Variants in PAWR observed in about 807,000 individuals in gnomAD.
The protein encoded by PAWR is PRKC apoptosis WT1 regulator protein.
Under a neutral mutation model 32.0 loss-of-function variants are expected in PAWR, and 23 were observed. The observed-to-expected ratio is 0.72, with a 90% CI of 0.52 to 1.02. The LOEUF is 1.02. PAWR is among the 50% of genes least tolerant of loss of function. The pLI is 0.00. For synonymous variants in PAWR, 226 were observed against 187.1 expected (o/e 1.21, Z -1.70); for missense variants, 457 against 437.7 (o/e 1.04, Z -0.39).
chr12:79,641,051 C>T (rs192454829), intron 2 of PAWR, among the ~76,000 whole-genome samples: 1 of 152,296 alleles, frequency 6.6e-6, no homozygotes, highest in East Asian at 1.9e-4. Flanking sequence ...CCATACAACA[C>T]ACTCATCATT....
At chr12:79,602,926 A>G (rs1482791582) in intron 4 of PAWR, among the ~76,000 whole-genome samples, 4 of 152,022 alleles carry the variant, frequency 2.6e-5, no homozygotes, top group Non-Finnish European at 4.4e-5. Flanking sequence ...CACAAAACGA[A>G]AAGAGAATAA....
rs773126397 is a variant in PAWR, at chr12:79,621,151, A to G, written c.573T>C (p.Asp191=). The stretch of plus-strand genomic sequence containing the variant: ...GAATAGTGTTCTGTTGTGTAATTGC[A>G]TCTTCTCGTTTCCGCTCTTTCTGCC... The part of the protein sequence containing the change: ...EAGQKERKRE[D]AITQQNTIQN... Residue 191 remains aspartate, a synonymous_variant, in exon 3 of 7, where the codon GAT becomes GAC. Transcript: ENST00000328827. The G allele has an allele frequency of 1.2e-6, 2 of 1,610,928 alleles. No homozygotes were observed. The highest frequency in any genetic ancestry group is 1.7e-5 in the Admixed American group (1 of 59,972).
rs538370614 is a variant in PAWR at position 79,666,082 on chromosome 12, A to G, written c.516+23647T>C. On this transcript the variant is annotated intron_variant, in intron 2 of 6. Coordinates refer to ENST00000328827, the MANE Select transcript of PAWR (RefSeq NM_002583.4). ...TAGTTGATATAGTACTAAAATAAGC[A>G]ACCTCTAAGATACAAACTGCATCTT... 7.2e-5 allele frequency among the ~76,000 whole-genome samples: 11 copies of G among 152,330 alleles called. No individual in the cohort carries two copies. In the East Asian group the frequency reaches 1.9e-3, roughly 27 times the overall value.
chr12:79,593,077 G>C (rs1413014581), intron 6 of PAWR, among the ~76,000 whole-genome samples: 1 of 151,482 alleles, frequency 6.6e-6, no homozygotes, highest in Non-Finnish European at 1.5e-5. Flanking sequence ...ATATGGTATT[G>C]AGCCCTAGGT....
At chr12:79,641,231 T>A (rs1227425983) in intron 2 of PAWR, among the ~76,000 whole-genome samples, 1 of 152,202 alleles carries the variant, frequency 6.6e-6, no homozygotes, top group Non-Finnish European at 1.5e-5. Flanking sequence ...AGCTAACAAT[T>A]ACATAGCACC....
chr12:79,682,293 A>G (rs1456681778), intron 2 of PAWR, among the ~76,000 whole-genome samples: 1 of 152,050 alleles, frequency 6.6e-6, no homozygotes, highest in African/African-American at 2.4e-5. Context: ...GTAGCATTAG[A>G]GGTGTGAGCT....
intron 2 of PAWR, among the ~76,000 whole-genome samples, chr12:79,632,377 A>T (rs200456533): frequency 2.0e-4 from 12 of 58,608 alleles, no homozygotes; most frequent in East Asian, 1.6e-3. Context: ...TTTTTTTTTT[A>T]GACAGGGTCT....
At chr12:79,643,442 C>A (rs1876428012) in intron 2 of PAWR, among the ~76,000 whole-genome samples, 1 of 152,066 alleles carries the variant, frequency 6.6e-6, no homozygotes, top group Non-Finnish European at 1.5e-5. Flanking sequence ...CGTCCAGGTA[C>A]CCCCTGCCGT....
intron 3 of PAWR, among the ~76,000 whole-genome samples, chr12:79,614,122 T>G (rs945121775): frequency 6.9e-6 from 1 of 144,822 alleles, no homozygotes; most frequent in Non-Finnish European, 1.5e-5. Flanking sequence ...GTGATTCTCC[T>G]GCCTCAGCCT....
intron 3 of PAWR, among the ~76,000 whole-genome samples, chr12:79,615,082 C>G (rs907789411): frequency 6.6e-6 from 1 of 152,174 alleles, no homozygotes; most frequent in Non-Finnish European, 1.5e-5. Context: ...AGAAAACTAA[C>G]TGGGATATGG....
At chr12:79,616,883 T>C (rs188045228) in intron 3 of PAWR, among the ~76,000 whole-genome samples, 189 of 152,360 alleles carry the variant, frequency 1.2e-3, no homozygotes, top group Admixed American at 4.7e-3. Flanking sequence ...TCCATGCTCA[T>C]GTCTGAGACA....
intron 2 of PAWR, among the ~76,000 whole-genome samples, chr12:79,625,682 T>C (rs1476313484): frequency 6.6e-6 from 1 of 151,928 alleles, no homozygotes; most frequent in Non-Finnish European, 1.5e-5. Context: ...TAGCTGGCCG[T>C]GGTGGTGGGC....
Position 79,638,897 on chromosome 12 carries a change from T to TATATATATATATA in PAWR, c.517-17691_517-17690insTATATATATATAT, listed in dbSNP as rs57439521. Among the ~76,000 whole-genome samples the TATATATATATATA allele has an allele frequency of 5.2e-3, 31 of 5,914 alleles. 2 individuals are homozygous for TATATATATATATA. The highest frequency in any genetic ancestry group is 6.6e-3 in the Non-Finnish European group (22 of 3,358). The allele number at this position is 5,914 out of a possible 152,430, so 3.9% of individuals were successfully genotyped here. On this transcript the variant is annotated intron_variant, in intron 2 of 6. Coordinates refer to ENST00000328827, the MANE Select transcript of PAWR (RefSeq NM_002583.4). ...ATATATATATATATATATATATATA[T>TATATATATATATA]TTTTTTTTTTTTTTTTTTTTTTTTT...
intron 2 of PAWR, among the ~76,000 whole-genome samples, chr12:79,686,339 T>C (rs1878677215): frequency 6.6e-6 from 1 of 152,168 alleles, no homozygotes; most frequent in African/African-American, 2.4e-5. Context: ...GGCACTAAGC[T>C]ATACTTACTA....
At chr12:79,602,490 T>C (rs1874002918) in intron 4 of PAWR, among the ~76,000 whole-genome samples, 1 of 152,038 alleles carries the variant, frequency 6.6e-6, no homozygotes, top group African/African-American at 2.4e-5. Flanking sequence ...GATGATGGTG[T>C]CCTAGATTGG....
chr12:79,683,362 A>G (rs1314458863), intron 2 of PAWR, among the ~76,000 whole-genome samples: 1 of 152,180 alleles, frequency 6.6e-6, no homozygotes, highest in East Asian at 1.9e-4. Flanking sequence ...ATTTCATTTG[A>G]CGGATCAGTA....
intron 2 of PAWR, among the ~76,000 whole-genome samples, chr12:79,654,821 C>G (rs1877020586): frequency 6.6e-6 from 1 of 152,136 alleles, no homozygotes; most frequent in Non-Finnish European, 1.5e-5. Context: ...GAAACCACCC[C>G]CATAATCCTA....
chr12:79,616,125 A>G (rs1334157434), intron 3 of PAWR, among the ~76,000 whole-genome samples: 1 of 152,120 alleles, frequency 6.6e-6, no homozygotes, highest in Non-Finnish European at 1.5e-5. Context: ...AACATTTTAC[A>G]AAGAGCTTCT....
chr12:79,689,769 TTC>T lies in PAWR; in HGVS notation c.474_475del (p.Lys159AlafsTer17). ...GTTGACCACGCCGGTGGAGCGCCGC[TTC>T]TCCCGCAGCTTCCTCTTCTCGATCT... On this transcript the variant is annotated frameshift_variant, in exon 2 of 7. Coordinates refer to ENST00000328827, the MANE Select transcript of PAWR (RefSeq NM_002583.4). LOFTEE classifies it high-confidence loss of function. 1.3e-6 allele frequency: 2 copies of T among 1,584,606 alleles called. No homozygotes were observed. The highest frequency in any genetic ancestry group is 1.7e-6 in the Non-Finnish European group (2 of 1,166,972).
Sources: gnomAD v4.1 joint callset for allele counts (sites outside exome capture counted in the v4.1 genomes callset) on GRCh38, gnomAD v4.1.1 for gene constraint, MANE v1.5 for transcripts, NCBI Gene and HGNC (gene_info 2026-07-23, HGNC 2026-07-21) for gene names.